The following CFAP47 variants were observed in gnomAD, a reference collection of about 807,000 sequenced individuals.
The protein encoded by CFAP47 is cilia and flagella associated protein 47.
CFAP47 carries 29 observed loss-of-function variants against 148.1 expected under a neutral mutation model. The ratio of observed to expected loss-of-function variants is 0.20; its 90% CI spans 0.15 to 0.27. CFAP47 has a LOEUF of 0.27. Ranked by LOEUF, CFAP47 falls within the 10% of genes least tolerant of loss-of-function variation. The pLI is 1.00. For missense variants in CFAP47, 1,872 were observed against 1,697.5 expected (o/e 1.10, Z -1.81); for synonymous variants, 664 against 577.3 (o/e 1.15, Z -2.15).
At chrX:36,278,312 C>G (rs1249736145) in intron 49 of CFAP47, among the ~76,000 whole-genome samples, 2 of 112,399 alleles carry the variant, frequency 1.8e-5, no homozygotes, top group Non-Finnish European at 3.8e-5. Flanking sequence ...CTCCCCTCCC[C>G]CTGCCAGGCT....
intron 57 of CFAP47, among the ~76,000 whole-genome samples, chrX:36,320,680 A>G (rs1410328794): frequency 8.9e-6 from 1 of 112,318 alleles, no homozygotes; most frequent in Non-Finnish European, 1.9e-5. Flanking sequence ...AAATATGTTC[A>G]ATGTCACTAA....
intron 33 of CFAP47, among the ~76,000 whole-genome samples, chrX:36,128,049 T>C (rs974933873): frequency 9.0e-6 from 1 of 111,007 alleles, no homozygotes; most frequent in Non-Finnish European, 1.9e-5. Context: ...ACAGAGACAA[T>C]TTGCCTTCCT....
chrX:36,311,434 G>T (rs940045912), intron 56 of CFAP47, among the ~76,000 whole-genome samples: 2 of 110,555 alleles, frequency 1.8e-5, no homozygotes, highest in Non-Finnish European at 3.8e-5. Context: ...CATATTGAGG[G>T]TATATGTTTT....
intron 45 of CFAP47, among the ~76,000 whole-genome samples, chrX:36,214,020 A>G (rs1271266882): frequency 1.8e-5 from 2 of 111,290 alleles, no homozygotes; most frequent in African/African-American, 6.5e-5. Context: ...CAAAGGGGAT[A>G]CATTCTGAGA....
At chrX:36,019,031 G>C (rs983098869) in intron 22 of CFAP47, among the ~76,000 whole-genome samples, 2 of 111,765 alleles carry the variant, frequency 1.8e-5, no homozygotes, top group Non-Finnish European at 3.8e-5. Flanking sequence ...TTATTGGTCT[G>C]TTGAAGTTTG....
intron 2 of CFAP47, among the ~76,000 whole-genome samples, chrX:35,940,099 A>C (rs1322013076): frequency 1.8e-5 from 2 of 111,200 alleles, no homozygotes; most frequent in East Asian, 5.7e-4. Flanking sequence ...TCTTCTTTTG[A>C]GAAGTGTCTG....
intron 7 of CFAP47, 56 bp from the exon 8 acceptor site, chrX:35,955,905 A>C: frequency 8.4e-7 from 1 of 1,185,183 alleles, no homozygotes; most frequent in Admixed American, 2.4e-5. Context: ...CTAAGCAAAT[A>C]TATTCTGGAT....
At chrX:35,961,027 C>G (rs748242382) in intron 8 of CFAP47, among the ~76,000 whole-genome samples, 4 of 111,107 alleles carry the variant, frequency 3.6e-5, no homozygotes, top group Non-Finnish European at 7.6e-5. Context: ...TGAGGGAGTT[C>G]CCTTCTATTC....
chrX:36,211,704 G>A, intron 45 of CFAP47: 1 of 194,043 alleles, frequency 5.2e-6, no homozygotes, highest in Non-Finnish European at 1.0e-5. Context: ...GAAGATCAAG[G>A]GGAGGAAGAA....
chrX:36,027,116 A>ATATATATATGATTATATATATATGAT (rs1448301088), intron 22 of CFAP47, among the ~76,000 whole-genome samples: 9 of 80,308 alleles, frequency 1.1e-4, no homozygotes, highest in Admixed American at 1.6e-4. Context: ...ATATGTGATT[A>ATATATATATGATTATATATATATGAT]TATATATATG....
intron 49 of CFAP47, among the ~76,000 whole-genome samples, chrX:36,262,344 A>G (rs1940838711): frequency 9.0e-6 from 1 of 111,344 alleles, no homozygotes; most frequent in Non-Finnish European, 1.9e-5. Flanking sequence ...GTACCAATTA[A>G]CCATTCCTAC....
At chrX:36,207,317 T>C (rs1394781438) in intron 45 of CFAP47, among the ~76,000 whole-genome samples, 1 of 111,392 alleles carries the variant, frequency 9.0e-6, no homozygotes, top group African/African-American at 3.3e-5. Flanking sequence ...TTTTTTTTCT[T>C]TTGGTGTCAT....
chrX:36,300,005 C>G (rs1941282751), intron 52 of CFAP47, among the ~76,000 whole-genome samples: 1 of 111,287 alleles, frequency 9.0e-6, no homozygotes, highest in Non-Finnish European at 1.9e-5. Flanking sequence ...TCTTTTTGCC[C>G]CAATATGACT....
chrX:36,384,933 G>T lies in CFAP47; in HGVS notation c.9491G>T (p.Arg3164Leu). 6.0e-6 allele frequency: 7 copies of T among 1,165,780 alleles called. No individual in the cohort carries two copies. Among genetic ancestry groups the T allele is most frequent in the Non-Finnish European group, 8.0e-6 (7 of 871,100 alleles). Residue 3164 changes from arginine to leucine, a missense_variant, in exon 64 of 64, where the codon CGT (arginine) becomes CTT (leucine). Physicochemically the swap from Arg to Leu is moderately radical, Grantham distance 102. Coordinates refer to ENST00000378653, the MANE Select transcript of CFAP47 (RefSeq NM_001304548.2). ...NMPVRPHNFVRENTKLIRTGV... is the reference protein window; with the variant it reads ...NMPVRPHNFVLENTKLIRTGV... The stretch of plus-strand genomic sequence containing the variant: ...CCAGTCCGTCCACATAATTTTGTCC[G>T]TGAAAATACTAAACTCATAAGAACA...
chrX:36,238,356 A>T (rs139390357), intron 48 of CFAP47, among the ~76,000 whole-genome samples: 2 of 112,689 alleles, frequency 1.8e-5, no homozygotes, highest in Non-Finnish European at 3.7e-5. Flanking sequence ...CTCCCCAGCC[A>T]CATGGAGCTG....
intron 18 of CFAP47, among the ~76,000 whole-genome samples, chrX:35,995,215 A>G (rs192696552): frequency 1.8e-5 from 2 of 111,787 alleles, no homozygotes; most frequent in Admixed American, 1.9e-4. Context: ...CAATGCAGAC[A>G]TAAGAAACTT....
intron 57 of CFAP47, among the ~76,000 whole-genome samples, chrX:36,329,251 G>T (rs1407625403): frequency 9.1e-6 from 1 of 110,371 alleles, no homozygotes; most frequent in African/African-American, 3.3e-5. Context: ...AAGAGGCACT[G>T]AAAAGGGAAA....
At chrX:35,969,066 G>T (rs963712220) in intron 10 of CFAP47, among the ~76,000 whole-genome samples, 1 of 109,673 alleles carries the variant, frequency 9.1e-6, no homozygotes, top group African/African-American at 3.3e-5. Flanking sequence ...TTTTGTTTCT[G>T]TCTCTCTGTA....
chrX:36,280,628 C>G lies in CFAP47; in HGVS notation c.7586C>G (p.Thr2529Arg). ...EQSSILDDADTYGNFNNLRFW... is the reference protein window; with the variant it reads ...EQSSILDDADRYGNFNNLRFW... Reference sequence around the variant, plus strand: ...TCTAGCATTTTGGATGATGCAGACACATGTAAGTTTATTATGACAGAGTTT... The same window carrying G: ...TCTAGCATTTTGGATGATGCAGACAGATGTAAGTTTATTATGACAGAGTTT... The change falls in exon 50 of 64, where the codon ACA (threonine) becomes AGA (arginine). Residue 2529 changes from threonine to arginine, a missense_variant and splice_region_variant. Physicochemically the swap from Thr to Arg is moderately conservative, Grantham distance 71 (BLOSUM62 -1). Coordinates refer to ENST00000378653, the MANE Select transcript of CFAP47 (RefSeq NM_001304548.2). 1 of 464,845 alleles carries G rather than the reference C, an allele frequency of 2.2e-6. No individual in the cohort carries two copies. Among genetic ancestry groups the G allele is most frequent in the South Asian group, 3.4e-5 (1 of 29,600 alleles). 38.3% of individuals were successfully genotyped at this position (464,845 alleles called of 1,213,427 possible). A position where few individuals can be genotyped will look rare whatever the true frequency, so the allele number is the denominator to read the frequency against.
Sources: allele counts gnomAD v4.1 joint callset (sites outside exome capture counted in the v4.1 genomes callset), GRCh38; gene constraint gnomAD v4.1.1; transcripts MANE v1.5; gene names NCBI Gene and HGNC (gene_info 2026-07-23, HGNC 2026-07-21).